Variants in SKP2 observed in about 807,000 individuals in gnomAD.
The protein encoded by SKP2 is S-phase kinase-associated protein 2.
Under a neutral mutation model 51.8 loss-of-function variants are expected in SKP2, and 16 were observed. The ratio of observed to expected loss-of-function variants is 0.31; its 90% confidence interval spans 0.21 to 0.47. The LOEUF is 0.47. SKP2 is among the 20% of genes least tolerant of loss of function. The pLI, the probability that SKP2 is intolerant of heterozygous loss-of-function variation, is 1.00. For missense variants in SKP2, 377 were observed against 505.3 expected (o/e 0.75, Z 2.43); for synonymous variants, 176 against 198.6 (o/e 0.89, Z 0.96).
At position 36,152,145 on chromosome 5, in the gene SKP2, T is replaced by G. The variant is rs574398972; in HGVS notation, c.-118T>G. On this transcript the variant is annotated 5_prime_UTR_variant, in exon 1 of 10. Transcript: ENST00000274255. ...GGAACGTTGCTAGGCTTAGCGGGTC[T>G]GGCTGCTGGGGGCCCGAGCAGCACG... 1 of 1,042,970 alleles carries G rather than the reference T, an allele frequency of 9.6e-7. No homozygotes were observed. The highest frequency in any genetic ancestry group is 1.6e-5 in the African/African-American group (1 of 64,006). 64.6% of individuals were successfully genotyped at this position (1,042,970 alleles called of 1,614,324 possible).
intron 2 of SKP2, among the ~76,000 whole-genome samples, chr5:36,155,488 G>A (rs1744917473): frequency 6.6e-6 from 1 of 152,210 alleles, no homozygotes; most frequent in Admixed American, 6.5e-5. Flanking sequence ...AAGATTAAAT[G>A]AGAATGACGT....
chr5:36,188,799 C>G (rs1186290802), downstream of SKP2, among the ~76,000 whole-genome samples: 1 of 152,232 alleles, frequency 6.6e-6, no homozygotes, highest in African/African-American at 2.4e-5. Context: ...TGGGGACATT[C>G]TCCTGGATAA....
chr5:36,171,187 G>A (rs943874242), intron 6 of SKP2, among the ~76,000 whole-genome samples: 3 of 152,122 alleles, frequency 2.0e-5, no homozygotes, highest in African/African-American at 7.2e-5. Context: ...AAGACGAAGT[G>A]GCTTTTTGCA....
intron 4 of SKP2, 120 bp from the exon 5 acceptor site, chr5:36,168,189 GAAGT>G (rs1021837448): frequency 1.3e-6 from 1 of 798,654 alleles, no homozygotes; most frequent in African/African-American, 1.7e-5. Context: ...GTTAATGCTT[GAAGT>G]ATGTATTTAG....
downstream of SKP2, among the ~76,000 whole-genome samples, chr5:36,188,589 C>T (rs958823481): frequency 5.3e-5 from 8 of 152,212 alleles, no homozygotes; most frequent in East Asian, 3.9e-4. Context: ...GAGTTTCTGC[C>T]GAGAAATCCA....
chr5:36,192,846 C>G (rs1317820743), intron 7 of SKP2: 1 of 152,064 alleles, frequency 6.6e-6, no homozygotes, highest in East Asian at 1.9e-4. Flanking sequence ...CAAATAATGA[C>G]CCCTTGAGAG....
chr5:36,154,041 AG>A, intron 2 of SKP2, among the ~76,000 whole-genome samples: 1 of 152,356 alleles, frequency 6.6e-6, no homozygotes, highest in Non-Finnish European at 1.5e-5. Context: ...TTCTGCTCTC[AG>A]GGAGCATCCA....
chr5:36,180,236 C>T lies in SKP2; in HGVS notation c.1062-1582C>T, dbSNP rs377448028. The T allele has an allele frequency of 7.2e-5, 97 of 1,341,118 alleles. 2 individuals are homozygous for T. The highest frequency in any genetic ancestry group is 4.3e-4 in the South Asian group (38 of 87,790). 83.1% of individuals were successfully genotyped at this position (1,341,118 alleles called of 1,614,324 possible). A position where few individuals can be genotyped will look rare whatever the true frequency, so the allele number is the denominator to read the frequency against. On this transcript the variant is annotated intron_variant, in intron 9 of 9. Transcript: ENST00000274255. ...ACCAGAATTCTCATAGTAATTACAACGTTTCCCAAGTTTCACATGAGGGAT... is the reference window on the plus strand; with the variant it reads ...ACCAGAATTCTCATAGTAATTACAATGTTTCCCAAGTTTCACATGAGGGAT...
At chr5:36,175,771 G>A (rs1373967046) in intron 7 of SKP2, among the ~76,000 whole-genome samples, 1 of 151,918 alleles carries the variant, frequency 6.6e-6, no homozygotes, top group Non-Finnish European at 1.5e-5. Flanking sequence ...TTATCAGAAA[G>A]CGTTTTCATA....
rs1328297792 is a variant in SKP2, at chr5:36,184,064, TTC to T, written c.*2037_*2038del. The T allele has an allele frequency of 1.1e-5, 11 of 968,800 alleles. No individual in the cohort carries two copies. The Admixed American group carries it at 1.6e-4, about 14-fold the overall frequency. The allele number at this position is 968,800 out of a possible 1,614,324, so 60.0% of individuals were successfully genotyped here. A position where few individuals can be genotyped will look rare whatever the true frequency, so the allele number is the denominator to read the frequency against. ...AAACTAAGTTGTATTCCTTTTTTCT[TTC>T]TCTTTTTTTAAGTGCTGTGGTTAAA... is the stretch of plus-strand genomic sequence containing the variant. On this transcript the variant is annotated 3_prime_UTR_variant, in exon 10 of 10. Transcript: ENST00000274255.
chr5:36,187,526 C>T (rs1161253883), downstream of SKP2, among the ~76,000 whole-genome samples: 1 of 152,170 alleles, frequency 6.6e-6, no homozygotes, highest in Non-Finnish European at 1.5e-5. Context: ...TGTTCAATTT[C>T]CATGTAGTTG....
intron 5 of SKP2, among the ~76,000 whole-genome samples, chr5:36,169,424 G>A (rs1381436443): frequency 2.1e-5 from 3 of 146,296 alleles, no homozygotes. Flanking sequence ...CAGCCTAGGT[G>A]ACAAGAGCAA....
At chr5:36,172,423 T>G (rs1176908306) in intron 7 of SKP2, among the ~76,000 whole-genome samples, 2 of 152,362 alleles carry the variant, frequency 1.3e-5, no homozygotes, top group East Asian at 3.9e-4. Flanking sequence ...TTTATTTTAC[T>G]TGTATGTTAA....
At chr5:36,164,548 C>T (rs181396131) in intron 3 of SKP2, among the ~76,000 whole-genome samples, 7 of 152,332 alleles carry the variant, frequency 4.6e-5, no homozygotes, top group Admixed American at 3.3e-4. Context: ...ATCCGTCTGG[C>T]TTCTCCCTCC....
chr5:36,176,944 A>T (rs79521169), intron 7 of SKP2, 21 bp from the exon 8 acceptor site: 24,945 of 1,523,994 alleles, frequency 0.016, 442 homozygotes, highest in South Asian at 0.067. Context: ...AGTGACCATC[A>T]TGTTTTTTTG....
intron 6 of SKP2, 65 bp from the exon 7 acceptor site, chr5:36,171,538 G>A: frequency 6.7e-7 from 1 of 1,481,610 alleles, no homozygotes; most frequent in Non-Finnish European, 9.4e-7. Context: ...TTTGTTTGCA[G>A]TTTGAGGCAA....
In SKP2 at chr5:36,163,770, AC is replaced by A. The variant is rs1354960108; in HGVS notation, c.392+18del. 1 of 1,540,550 alleles carries A rather than the reference AC, an allele frequency of 6.5e-7. No individual in the cohort carries two copies. The highest frequency in any genetic ancestry group is 1.1e-5 in the South Asian group (1 of 89,532). ...GTATCGCCTAGCGTAAGTATTTTTC[AC>A]CCCTTTGGCAAACGTAGGGGAGGAA... On this transcript the variant is annotated intron_variant, in intron 3 of 9. Coordinates refer to ENST00000274255, the MANE Select transcript of SKP2 (RefSeq NM_005983.4).
chr5:36,162,360 C>T (rs1745149053), intron 2 of SKP2, among the ~76,000 whole-genome samples: 1 of 152,238 alleles, frequency 6.6e-6, no homozygotes, highest in Non-Finnish European at 1.5e-5. Context: ...CACTCCCTCA[C>T]TTTGTTCAAG....
At position 36,166,579 on chromosome 5, in the gene SKP2, G is replaced by T; in HGVS notation, c.453G>T (p.Val151=). ...CAGGTAAAAATCTGCACCCGGATGT[G>T]ACTGGTCGGTTGCTGTCTCAAGGGG... The part of the protein sequence containing the change: ...DLTGKNLHPD[V]TGRLLSQGVI... The change falls in exon 4 of 10, where the codon GTG becomes GTT. Residue 151 remains valine (V), a synonymous_variant. Transcript: ENST00000274255. 1 of 1,613,870 alleles carries T rather than the reference G, an allele frequency of 6.2e-7. No individual in the cohort carries two copies. Among genetic ancestry groups the T allele is most frequent in the Non-Finnish European group, 8.5e-7 (1 of 1,179,764 alleles).
Sources: gnomAD v4.1 joint callset for allele counts (sites outside exome capture counted in the v4.1 genomes callset) on GRCh38, gnomAD v4.1.1 for gene constraint, MANE v1.5 for transcripts, NCBI Gene and HGNC (gene_info 2026-07-23, HGNC 2026-07-21) for gene names.